SCN8A: variants seen among roughly 807,000 people sequenced by gnomAD.
The protein encoded by SCN8A is sodium channel protein type 8 subunit alpha.
Under a neutral mutation model 184.1 loss-of-function variants are expected in SCN8A, and 30 were observed. The observed-to-expected ratio is 0.16, with a 90% CI of 0.12 to 0.22. The LOEUF (loss-of-function observed/expected upper bound fraction) is 0.22, where lower values mean the gene tolerates loss of function less well. Among genes scored for constraint, SCN8A ranks in the 10% least tolerant of loss-of-function variants. The pLI is 1.00. For missense variants in SCN8A, 1,057 were observed against 2,498.9 expected (o/e 0.42, Z 12.30); for synonymous variants, 852 against 907.0 (o/e 0.94, Z 1.09).
At chr12:51,604,776 C>T (rs1345055718) in intron 1 of SCN8A, among the ~76,000 whole-genome samples, 1 of 151,512 alleles carries the variant, frequency 6.6e-6, no homozygotes, top group East Asian at 1.9e-4. Context: ...TCAGGTGATC[C>T]GCTGCCTTGG....
chr12:51,620,767 C>T (rs1417011747), intron 1 of SCN8A, among the ~76,000 whole-genome samples: 1 of 151,438 alleles, frequency 6.6e-6, no homozygotes, highest in East Asian at 1.9e-4. Flanking sequence ...GCAAGAGGAT[C>T]GCTTGAGCTC....
intron 1 of SCN8A, among the ~76,000 whole-genome samples, chr12:51,640,256 G>A (rs12372803): frequency 9.5e-5 from 8 of 84,132 alleles, no homozygotes; most frequent in Admixed American, 2.0e-4. Flanking sequence ...TTTTTTTTAA[G>A]ACAGTGCTTT....
intron 21 of SCN8A, among the ~76,000 whole-genome samples, chr12:51,782,166 T>C (rs1316031002): frequency 1.3e-5 from 2 of 152,244 alleles, no homozygotes; most frequent in African/African-American, 4.8e-5. Flanking sequence ...GGAAGGGCAG[T>C]TCCACAGTAG....
At chr12:51,708,806 T>A (rs1418647413) in intron 11 of SCN8A, among the ~76,000 whole-genome samples, 1 of 152,208 alleles carries the variant, frequency 6.6e-6, no homozygotes, top group Non-Finnish European at 1.5e-5. Flanking sequence ...ACAGATTACG[T>A]CCTAAAATGT....
At chr12:51,778,330 G>A (rs1017198966) in intron 20 of SCN8A, among the ~76,000 whole-genome samples, 1 of 151,740 alleles carries the variant, frequency 6.6e-6, no homozygotes, top group African/African-American at 2.4e-5. Context: ...TTTTGTCCAC[G>A]TTGGAGTGCA....
At chr12:51,732,248 A>C (rs534235693) in intron 12 of SCN8A, among the ~76,000 whole-genome samples, 1 of 152,288 alleles carries the variant, frequency 6.6e-6, no homozygotes, top group East Asian at 1.9e-4. Flanking sequence ...ATTTTTGTAC[A>C]TGGTGAAAGA....
intron 12 of SCN8A, among the ~76,000 whole-genome samples, chr12:51,729,251 G>A (rs1457086741): frequency 6.6e-6 from 1 of 152,150 alleles, no homozygotes. Context: ...AGGTGGAGAA[G>A]GAGTTATCTG....
At chr12:51,648,509 G>C (rs1040807849) in intron 1 of SCN8A, among the ~76,000 whole-genome samples, 1 of 152,190 alleles carries the variant, frequency 6.6e-6, no homozygotes, top group Non-Finnish European at 1.5e-5. Flanking sequence ...AAGAAAAAGA[G>C]GTTTAATTGG....
chr12:51,743,502 T>C (rs2138824000), intron 12 of SCN8A, among the ~76,000 whole-genome samples: 1 of 152,326 alleles, frequency 6.6e-6, no homozygotes, highest in South Asian at 2.1e-4. Context: ...AGATTTGTTC[T>C]TTTTCCTCAC....
chr12:51,751,919 C>T (rs1010878915), intron 14 of SCN8A, among the ~76,000 whole-genome samples: 1 of 152,186 alleles, frequency 6.6e-6, no homozygotes, highest in Non-Finnish European at 1.5e-5. Context: ...TTCTGTTTCT[C>T]ACATTGATTC....
chr12:51,634,109 A>G (rs1369912353), intron 1 of SCN8A, among the ~76,000 whole-genome samples: 9 of 152,224 alleles, frequency 5.9e-5, no homozygotes, highest in Non-Finnish European at 1.0e-4. Context: ...AACTACTGCT[A>G]TGGGAAAATG....
rs569576152 is a variant in SCN8A, at chr12:51,744,766, A to G, written c.1999-1137A>G. Reference sequence around the variant, plus strand: ...TAAGATAAATCGTAATCTGCTAGGAACTTTCTTCTGTTCAGTCCTTAAAAT... The same window carrying G: ...TAAGATAAATCGTAATCTGCTAGGAGCTTTCTTCTGTTCAGTCCTTAAAAT... On this transcript the variant is annotated intron_variant, in intron 12 of 26. Coordinates refer to ENST00000627620, the MANE Select transcript of SCN8A (RefSeq NM_001330260.2). 5.3e-5 allele frequency among the ~76,000 whole-genome samples: 8 copies of G among 152,152 alleles called. 2 individuals carry two copies. The South Asian group carries it at 1.7e-3, about 32-fold the overall frequency.
intron 1 of SCN8A, among the ~76,000 whole-genome samples, chr12:51,597,292 G>A (rs1565852397): frequency 6.6e-6 from 1 of 152,136 alleles, no homozygotes; most frequent in African/African-American, 2.4e-5. Flanking sequence ...CACTGGGCAT[G>A]TCCCAGGATC....
At chr12:51,741,155 T>C (rs1942415430) in intron 12 of SCN8A, among the ~76,000 whole-genome samples, 1 of 152,226 alleles carries the variant, frequency 6.6e-6, no homozygotes. Flanking sequence ...TGGGTACATG[T>C]ATATTTATAA....
chr12:51,693,843 A>G (rs1378597439), intron 6 of SCN8A, among the ~76,000 whole-genome samples: 1 of 152,226 alleles, frequency 6.6e-6, no homozygotes, highest in Non-Finnish European at 1.5e-5. Flanking sequence ...TTGTAGGGGA[A>G]TTAGCTCACA....
chr12:51,771,536 A>G (rs894262541), intron 19 of SCN8A, among the ~76,000 whole-genome samples: 19 of 152,188 alleles, frequency 1.2e-4, no homozygotes, highest in African/African-American at 4.3e-4. Flanking sequence ...GAATAAGAAA[A>G]GCTGAGAGAG....
chr12:51,704,987 A>T (rs996872845), intron 9 of SCN8A, among the ~76,000 whole-genome samples: 2 of 152,178 alleles, frequency 1.3e-5, no homozygotes, highest in Admixed American at 6.5e-5. Flanking sequence ...AAAAAAAATA[A>T]ATAAAATAAA....
intron 26 of SCN8A, among the ~76,000 whole-genome samples, chr12:51,796,522 A>G (rs1187122058): frequency 6.6e-6 from 1 of 152,254 alleles, no homozygotes; most frequent in Non-Finnish European, 1.5e-5. Context: ...AAACAAAAGT[A>G]TAGAAATCAT....
intron 8 of SCN8A, among the ~76,000 whole-genome samples, 168 bp from the exon 9 acceptor site, chr12:51,702,605 G>T (rs1241425919): frequency 6.6e-6 from 1 of 152,170 alleles, no homozygotes; most frequent in East Asian, 1.9e-4. Context: ...TTGGTTAGCT[G>T]CTTATTTCCT....
Sources: allele counts gnomAD v4.1 joint callset (sites outside exome capture counted in the v4.1 genomes callset), GRCh38; gene constraint gnomAD v4.1.1; transcripts MANE v1.5; gene names NCBI Gene and HGNC (gene_info 2026-07-23, HGNC 2026-07-21).